Variants in B4GALNT4 observed in about 807,000 individuals in gnomAD.
B4GALNT4 encodes N-acetyl-beta-glucosaminyl-glycoprotein 4-beta-N-acetylgalactosaminyltransferase 1.
Under a neutral mutation model 110.0 loss-of-function variants are expected in B4GALNT4, and 77 were observed. The observed-to-expected ratio is 0.70, with a 90% CI of 0.58 to 0.85. The LOEUF is 0.85. B4GALNT4 is among the 40% of genes least tolerant of loss of function. The pLI is 0.00. For missense variants in B4GALNT4, 1,575 were observed against 1,506.0 expected, an observed-to-expected ratio of 1.05 and a Z score of -0.76; for synonymous variants, 785 against 655.5, an observed-to-expected ratio of 1.20 and a Z score of -3.02.
chr11:377,881 C>T (rs986412593), intron 14 of B4GALNT4, among the ~76,000 whole-genome samples: 7 of 152,248 alleles, frequency 4.6e-5, no homozygotes, highest in Non-Finnish European at 7.3e-5. Context: ...TCTGCCCTCC[C>T]TGCAGGCTGG....
intron 8 of B4GALNT4, 141 bp downstream of exon 8, chr11:373,969 C>A: frequency 1.3e-6 from 1 of 797,910 alleles, no homozygotes; most frequent in South Asian, 1.7e-5. Flanking sequence ...AGGGTCTGCT[C>A]TGCCCTCCTG....
intron 6 of B4GALNT4, 42 bp from the exon 7 acceptor site, chr11:373,407 A>T (rs767595860): frequency 3.7e-6 from 3 of 821,190 alleles, no homozygotes; most frequent in Non-Finnish European, 5.5e-6. Flanking sequence ...GGAGAGAGTG[A>T]ACCCCCCCCC....
At chr11:371,459 C>T (rs1426946146) in intron 1 of B4GALNT4, among the ~76,000 whole-genome samples, 1 of 152,134 alleles carries the variant, frequency 6.6e-6, no homozygotes, top group Non-Finnish European at 1.5e-5. Context: ...GGTTCCACGC[C>T]CTGGGATCTG....
Position 376,819 on chromosome 11 carries a change from CG to C in B4GALNT4, c.1699del (p.Ala567ArgfsTer59). 7.4e-7 allele frequency: 1 copy of C among 1,354,614 alleles called. No individual in the cohort carries two copies. Among genetic ancestry groups the C allele is most frequent in the Non-Finnish European group, 9.5e-7 (1 of 1,051,854 alleles). 83.9% of individuals were successfully genotyped at this position (1,354,614 alleles called of 1,614,324 possible). A position where few individuals can be genotyped will look rare whatever the true frequency, so the allele number is the denominator to read the frequency against. ...HPRPLPRVQL[R>X]APPRPPRPHG... ...CAGGCCTCTGCCCAGAGTGCAGCTG[CG>C]GGCGCCCCCACGCCCACCCCGGCCC... On this transcript the variant is annotated frameshift_variant, in exon 14 of 20. Coordinates refer to ENST00000329962, the MANE Select transcript of B4GALNT4 (RefSeq NM_178537.5). LOFTEE classifies it high-confidence loss of function.
rs1554914638 is a variant in B4GALNT4 at position 375,779 on chromosome 11, A to T, written c.985+6A>T. 1 of 1,600,106 alleles carries T rather than the reference A, an allele frequency of 6.2e-7. No homozygotes were observed. Among genetic ancestry groups the T allele is most frequent in the Non-Finnish European group, 8.5e-7 (1 of 1,176,726 alleles). On this transcript the variant is annotated splice_donor_region_variant and intron_variant, in intron 10 of 19. Transcript: ENST00000329962. ...CAGGGATACCTTTTTCCTCAGTGAG[A>T]GGGGGCCCGCGCGGGGGCGAGGGCG...
At chr11:376,021 G>A in intron 11 of B4GALNT4, 53 bp from the exon 12 acceptor site, 1 of 1,604,650 alleles carries the variant, frequency 6.2e-7, no homozygotes, top group East Asian at 2.2e-5. Context: ...AGCCCCTTGG[G>A]AGGCCGCCCC....
In B4GALNT4 at chr11:373,419, C is replaced by A. The variant is rs114282733; in HGVS notation, c.637-30C>A. The stretch of plus-strand genomic sequence containing the variant: ...CAGGGAGAGAGTGAACCCCCCCCCC[C>A]ACCACCACCCCTGCTCTATCACCCC... On this transcript the variant is annotated intron_variant, in intron 6 of 19. Transcript: ENST00000329962. 170 of 1,084,276 alleles carry A rather than the reference C, an allele frequency of 1.6e-4. 12 individuals are homozygous for A. The highest frequency in any genetic ancestry group is 2.6e-4 in the East Asian group (10 of 37,966). 67.2% of individuals were successfully genotyped at this position (1,084,276 alleles called of 1,614,324 possible). A position where few individuals can be genotyped will look rare whatever the true frequency, so the allele number is the denominator to read the frequency against.
intron 14 of B4GALNT4, among the ~76,000 whole-genome samples, chr11:378,451 C>G (rs924543968): frequency 1.3e-5 from 2 of 152,180 alleles, no homozygotes; most frequent in African/African-American, 4.8e-5. Context: ...CCACCAATGC[C>G]CACCTGGGTA....
Position 380,429 on chromosome 11 carries a change from G to A in B4GALNT4, c.2853G>A (p.Ser951=), listed in dbSNP as rs1252393373. 3.7e-6 allele frequency: 6 copies of A among 1,603,768 alleles called. No homozygotes were observed. The highest frequency in any genetic ancestry group is 5.1e-6 in the Non-Finnish European group (6 of 1,176,314). The change falls in exon 18 of 20, where the codon TCG becomes TCA. Residue 951 remains serine, a synonymous_variant. Coordinates refer to ENST00000329962, the MANE Select transcript of B4GALNT4 (RefSeq NM_178537.5). ...TCATGCGCCTGAGCTGCGGGAGCTC[G>A]CCCCGGGACCCCCACGGTGAGGCCC... ...PVVMRLSCGS[S]PRDPHGYWEV... is the part of the protein sequence containing the mutation.
chr11:378,399 G>A (rs766807307), intron 14 of B4GALNT4, among the ~76,000 whole-genome samples: 23 of 152,290 alleles, frequency 1.5e-4, no homozygotes, highest in South Asian at 1.0e-3. Flanking sequence ...AGAGCAGCTC[G>A]TCATTTCTTG....
Position 373,016 on chromosome 11 carries a change from GC to G in B4GALNT4, c.445-3del, listed in dbSNP as rs779521633. On this transcript the variant is annotated splice_polypyrimidine_tract_variant and intron_variant, in intron 4 of 19. Coordinates refer to ENST00000329962, the MANE Select transcript of B4GALNT4 (RefSeq NM_178537.5). ...GGGGGCTTCGACAGCAACAGTCACT[GC>G]CCCCCCAGACGCGCACCACCGTGAA... 1.1e-5 allele frequency: 18 copies of G among 1,612,294 alleles called. No homozygotes were observed. The highest frequency in any genetic ancestry group is 1.4e-5 in the Non-Finnish European group (17 of 1,179,842).
Position 376,496 on chromosome 11 carries a change from G to A in B4GALNT4, c.1373G>A (p.Gly458Asp). 1.9e-6 allele frequency: 3 copies of A among 1,557,142 alleles called. No individual in the cohort carries two copies. Among genetic ancestry groups the A allele is most frequent in the Non-Finnish European group, 2.6e-6 (3 of 1,160,016 alleles). ...ACCGAGGCGGCCCCGCCCAGGAGCG[G>A]CCCCCAGTCCCCCGCCCCAGCAGCC... ...EPTEAAPPRS[G>D]PQSPAPAAPA... Residue 458 changes from glycine to aspartate, a missense_variant, in exon 14 of 20, where the codon GGC becomes GAC. By Grantham distance (94) the Gly-to-Asp change is moderately conservative. Transcript: ENST00000329962.
intron 14 of B4GALNT4, 116 bp downstream of exon 14, chr11:377,443 G>C (rs1429998577): frequency 1.7e-6 from 2 of 1,161,794 alleles, no homozygotes; most frequent in African/African-American, 1.6e-5. Flanking sequence ...GTGGTGTACC[G>C]GCCTGGGGGC....
chr11:375,625 T>C lies in B4GALNT4; in HGVS notation c.851-14T>C. The C allele has an allele frequency of 6.3e-7, 1 of 1,591,952 alleles. No homozygotes were observed. The highest frequency in any genetic ancestry group is 8.5e-7 in the Non-Finnish European group (1 of 1,173,364). ...AGGGGGTCTGAGCACTCCCTGGAAC[T>C]CTTCTGCCCCCAGATGAGTCAGCCT... On this transcript the variant is annotated splice_polypyrimidine_tract_variant and intron_variant, in intron 9 of 19. Coordinates refer to ENST00000329962, the MANE Select transcript of B4GALNT4 (RefSeq NM_178537.5).
rs1245557291 is a variant in B4GALNT4, at chr11:379,886, G to A, written c.2509G>A (p.Val837Met). 4.4e-6 allele frequency: 7 copies of A among 1,604,634 alleles called. No homozygotes were observed. The highest frequency in any genetic ancestry group is 5.9e-6 in the Non-Finnish European group (7 of 1,176,568). The stretch of plus-strand genomic sequence containing the variant: ...TCCAGTGAAAAACCAGGCACGGTGG[G>A]TGGCACAGTTCCTGGCGGACATGGC... ...IVPVKNQARW[V>M]AQFLADMAAL... is the part of the protein sequence containing the mutation. Residue 837 changes from valine to methionine, a missense_variant, in exon 16 of 20, where the codon GTG becomes ATG. Coordinates refer to ENST00000329962, the MANE Select transcript of B4GALNT4 (RefSeq NM_178537.5).
Position 376,367 on chromosome 11 carries a change from G to A in B4GALNT4, c.1297+16G>A, listed in dbSNP as rs373286280. 103 of 1,604,204 alleles carry A rather than the reference G, an allele frequency of 6.4e-5. No individual in the cohort carries two copies. Among genetic ancestry groups the A allele is most frequent in the Non-Finnish European group, 8.3e-5 (98 of 1,176,492 alleles). On this transcript the variant is annotated intron_variant, in intron 13 of 19. Coordinates refer to ENST00000329962, the MANE Select transcript of B4GALNT4 (RefSeq NM_178537.5). ...AACCCGGACGGTGAGTGTCCGCAGC[G>A]CCCCTGGCCCGCACCCACCTGCGCA...
chr11:376,426 C>T lies in B4GALNT4; in HGVS notation c.1303C>T (p.Leu435=), dbSNP rs1846754313. Residue 435 remains leucine (L), a synonymous_variant, in exon 14 of 20, where the codon CTG becomes TTG. Coordinates refer to ENST00000329962, the MANE Select transcript of B4GALNT4 (RefSeq NM_178537.5). ...AFLFLNPDDF[L]DDEDEGELLD... Reference sequence around the variant, plus strand: ...CTAACCCGCGTTTCCCGCAGACTTCCTGGACGACGAGGACGAGGGGGAGCT... The same window carrying T: ...CTAACCCGCGTTTCCCGCAGACTTCTTGGACGACGAGGACGAGGGGGAGCT... 1 of 1,598,786 alleles carries T rather than the reference C, an allele frequency of 6.3e-7. No homozygotes were observed. Among genetic ancestry groups the T allele is most frequent in the African/African-American group, 1.3e-5 (1 of 74,830 alleles).
chr11:381,873 C>A lies in B4GALNT4; in HGVS notation c.*81C>A. The A allele has an allele frequency of 7.0e-7, 1 of 1,420,270 alleles. No individual in the cohort carries two copies. The allele number at this position is 1,420,270 out of a possible 1,614,324, so 88.0% of individuals were successfully genotyped here. On this transcript the variant is annotated 3_prime_UTR_variant, in exon 20 of 20. Coordinates refer to ENST00000329962, the MANE Select transcript of B4GALNT4 (RefSeq NM_178537.5). ...GGGCTTTGAGCTCGGTCCCGAGAGA[C>A]CCGGCAGGGCTGGTCAGAGGGGCAC...
In B4GALNT4 at chr11:380,395, C is replaced by T. The variant is rs754695703; in HGVS notation, c.2819C>T (p.Ala940Val). 3.7e-6 allele frequency: 6 copies of T among 1,612,774 alleles called. No homozygotes were observed. The highest frequency in any genetic ancestry group is 2.2e-5 in the East Asian group (1 of 44,858). Residue 940 changes from alanine to valine, a missense_variant, in exon 18 of 20, where the codon GCG (alanine) becomes GTG (valine). Ala to Val is a moderately conservative substitution (Grantham distance 64). Coordinates refer to ENST00000329962, the MANE Select transcript of B4GALNT4 (RefSeq NM_178537.5). Reference sequence around the variant, plus strand: ...TGCGTGGAGGGCAGGCTGGCCTTCGCGCCCGTGGTCATGCGCCTGAGCTGC... The same window carrying T: ...TGCGTGGAGGGCAGGCTGGCCTTCGTGCCCGTGGTCATGCGCCTGAGCTGC... ...KHCVEGRLAF[A>V]PVVMRLSCGS...
Sources: allele counts gnomAD v4.1 joint callset (sites outside exome capture counted in the v4.1 genomes callset), GRCh38; gene constraint gnomAD v4.1.1; transcripts MANE v1.5; gene names NCBI Gene and HGNC (gene_info 2026-07-23, HGNC 2026-07-21).